The following SPOCD1 variants were observed in gnomAD, a reference collection of about 807,000 sequenced individuals.
SPOCD1 encodes the protein SPOC domain-containing protein 1.
A neutral mutation model predicts 92.2 loss-of-function variants in SPOCD1; 64 were observed. The ratio of observed to expected loss-of-function variants is 0.69; its 90% CI spans 0.57 to 0.86. The LOEUF is 0.86. SPOCD1 is among the 40% of genes least tolerant of loss of function. SPOCD1 has a pLI of 0.00. For synonymous variants in SPOCD1, 578 were observed against 619.3 expected (o/e 0.93, Z 0.99); for missense variants, 1,360 against 1,543.1 (o/e 0.88, Z 1.99).
intron 15 of SPOCD1, 170 bp downstream of exon 15, chr1:31,792,045 C>A: frequency 1.4e-6 from 1 of 694,832 alleles, no homozygotes; most frequent in Admixed American, 2.9e-5. Flanking sequence ...GCATGCAGTT[C>A]ATGATATCCA....
Position 31,792,665 on chromosome 1 carries a change from A to G in SPOCD1, c.2775+13T>C, listed in dbSNP as rs552085027. 6.3e-7 allele frequency: 1 copy of G among 1,577,598 alleles called. No individual in the cohort carries two copies. Among genetic ancestry groups the G allele is most frequent in the African/African-American group, 1.3e-5 (1 of 74,426 alleles). Reference sequence around the variant, plus strand: ...ACTAGGAAAAGAGGGGGTGCCCAAGAGTGGGCAGGTACCTTGGCCTTGGCT... The same window carrying G: ...ACTAGGAAAAGAGGGGGTGCCCAAGGGTGGGCAGGTACCTTGGCCTTGGCT... On this transcript the variant is annotated intron_variant, in intron 14 of 15. Transcript: ENST00000360482.
At chr1:31,809,709 T>C (rs1416851707) in intron 2 of SPOCD1, among the ~76,000 whole-genome samples, 1 of 152,220 alleles carries the variant, frequency 6.6e-6, no homozygotes. Flanking sequence ...AATACCAGTA[T>C]CTACCTCATG....
At chr1:31,796,420 C>T in intron 10 of SPOCD1, 170 bp downstream of exon 10, 1 of 1,059,956 alleles carries the variant, frequency 9.4e-7, no homozygotes, top group Non-Finnish European at 1.4e-6. Context: ...GCAGCACTGT[C>T]CCACCCCATG....
intron 2 of SPOCD1, among the ~76,000 whole-genome samples, chr1:31,802,714 G>A (rs1259688122): frequency 1.3e-5 from 2 of 152,146 alleles, no homozygotes; most frequent in African/African-American, 4.8e-5. Context: ...TATTCAAAAC[G>A]AGCGTGTATT....
At chr1:31,805,245 A>G (rs988415733) in intron 2 of SPOCD1, among the ~76,000 whole-genome samples, 36 of 151,744 alleles carry the variant, frequency 2.4e-4, no homozygotes, top group Non-Finnish European at 8.8e-5. Context: ...CGGCCTCCCA[A>G]AGTGCTGGGA....
At chr1:31,803,216 TAAAAG>T (rs1648579523) in intron 2 of SPOCD1, among the ~76,000 whole-genome samples, 1 of 151,430 alleles carries the variant, frequency 6.6e-6, no homozygotes, top group Admixed American at 6.6e-5. Context: ...TTTAAAGAAA[TAAAAG>T]AAGGAGACGA....
chr1:31,802,292 G>A (rs1037382288), intron 2 of SPOCD1, among the ~76,000 whole-genome samples: 2 of 152,238 alleles, frequency 1.3e-5, no homozygotes, highest in African/African-American at 4.8e-5. Context: ...GGTTTATGAA[G>A]TAGCTGGCCC....
rs531337406 is a variant in SPOCD1, at chr1:31,805,928, C to A, written c.1384-4223G>T. Among the ~76,000 whole-genome samples the A allele has an allele frequency of 4.9e-4, 75 of 151,998 alleles. 2 individuals carry two copies. In the South Asian group the frequency reaches 0.015, roughly 31 times the overall value. ...TAAAATAACAAAATGGAATAATATA[C>A]GAACAGGCAAATAACCAACCAAAAT... On this transcript the variant is annotated intron_variant, in intron 2 of 15. Transcript: ENST00000360482.
chr1:31,807,566 C>A (rs777009660), intron 2 of SPOCD1, among the ~76,000 whole-genome samples: 28 of 151,196 alleles, frequency 1.9e-4, no homozygotes, highest in Non-Finnish European at 3.8e-4. Context: ...TTAAAAGGTT[C>A]TTTTATAGCT....
In SPOCD1 at chr1:31,814,124, C is replaced by T. The variant is rs1471720452; in HGVS notation, c.1210G>A (p.Glu404Lys). 2.5e-6 allele frequency: 4 copies of T among 1,608,112 alleles called. No homozygotes were observed. The South Asian group carries it at 4.4e-5, about 18-fold the overall frequency. The change falls in exon 2 of 16, where the codon GAA (glutamate) becomes AAA (lysine). Residue 404 changes from glutamate (E) to lysine (K), a missense_variant. By Grantham distance (56) the Glu-to-Lys change is moderately conservative. This residue lies in a region of SPOCD1 where 606 missense variants were observed against 601.5 expected (regional missense o/e 1.01). Coordinates refer to ENST00000360482, the MANE Select transcript of SPOCD1 (RefSeq NM_144569.7). This position sits in a 1 kb window ranked among gnomAD's most constrained non-coding sequence, Gnocchi z 4.2. ...GGGCCTGAGCAGGCCCTGCTGGCTT[C>T]AGTATCCAGGGAGGAGCTGAGGCCG... The part of the protein sequence containing the change: ...LGGLSSSLDT[E>K]ASRACSGPFM...
At chr1:31,796,440 G>T in intron 10 of SPOCD1, 150 bp downstream of exon 10, 1 of 1,205,152 alleles carries the variant, frequency 8.3e-7, no homozygotes, top group Non-Finnish European at 1.2e-6. Context: ...GTTCCCCTAT[G>T]CGTTAAGGAT....
chr1:31,796,522 T>A (rs776780147), intron 10 of SPOCD1, 68 bp downstream of exon 10: 11 of 1,613,284 alleles, frequency 6.8e-6, no homozygotes, highest in Non-Finnish European at 9.3e-6. Context: ...ACCACACTGC[T>A]GGTGAGGCGA....
intron 9 of SPOCD1, 144 bp from the exon 10 acceptor site, chr1:31,796,859 T>A: frequency 8.9e-7 from 1 of 1,121,676 alleles, no homozygotes; most frequent in Non-Finnish European, 1.3e-6. Context: ...ACCCCTCCTC[T>A]GGGAAGCCCT....
intron 11 of SPOCD1, 38 bp downstream of exon 11, chr1:31,794,086 G>T (rs1160852461): frequency 1.3e-6 from 2 of 1,595,214 alleles, no homozygotes; most frequent in African/African-American, 2.7e-5. Context: ...GCCCCAGCCT[G>T]GCTGCCACCC....
At position 31,813,984 on chromosome 1, in the gene SPOCD1, T is replaced by C; in HGVS notation, c.1350A>G (p.Pro450=). 1 of 1,578,496 alleles carries C rather than the reference T, an allele frequency of 6.3e-7. No homozygotes were observed. The highest frequency in any genetic ancestry group is 2.3e-5 in the East Asian group (1 of 44,198). The change falls in exon 2 of 16, where the codon CCA becomes CCG. Residue 450 remains proline (P), a synonymous_variant. Transcript: ENST00000360482. ...GGCAGCCTCCTGGGCTGGGTTCCTC[T>C]GGCCTGTCCTGGTGGGAGTTGTCTG... ...RSSDNSHQDR[P]EEPSPGGCPR... is the part of the protein sequence containing the mutation.
chr1:31,813,911 G>A, intron 2 of SPOCD1, 40 bp downstream of exon 2: 1 of 1,448,278 alleles, frequency 6.9e-7, no homozygotes, highest in Non-Finnish European at 9.1e-7. Flanking sequence ...GAGAAACATG[G>A]CCAGGCCCTT....
intron 2 of SPOCD1, among the ~76,000 whole-genome samples, chr1:31,811,863 T>C (rs956422055): frequency 6.6e-6 from 1 of 152,158 alleles, no homozygotes; most frequent in South Asian, 2.1e-4. Flanking sequence ...GAGCCAGCAG[T>C]CATGGGCTGC....
At position 31,792,370 on chromosome 1, in the gene SPOCD1, C is replaced by T; in HGVS notation, c.2807G>A (p.Gly936Glu). 6.2e-7 allele frequency: 1 copy of T among 1,613,856 alleles called. No homozygotes were observed. The highest frequency in any genetic ancestry group is 8.5e-7 in the Non-Finnish European group (1 of 1,180,012). ...DVCVVRLCPH[G>E]ARDTQNCRLL... ...GCGGCAGTTCTGGGTGTCCCGGGCC[C>T]CATGTGGGCACAGTCTGACCACGCA... Residue 936 changes from glycine (G) to glutamate (E), a missense_variant, in exon 15 of 16, where the codon GGG (glycine) becomes GAG (glutamate). Gly to Glu is a moderately conservative substitution (Grantham distance 98). Transcript: ENST00000360482.
In SPOCD1 at chr1:31,799,792, C is replaced by T. The variant is rs1648306636; in HGVS notation, c.1783+17G>A. 6.2e-6 allele frequency: 10 copies of T among 1,613,522 alleles called. No homozygotes were observed. The East Asian group carries it at 2.2e-4, about 36-fold the overall frequency. ...CAGTCTCTGGAAGCAGAAGAGGCTC[C>T]CTCCAGGGCCCTTCACCTGAGTCCT... On this transcript the variant is annotated intron_variant, in intron 6 of 15. Transcript: ENST00000360482.
Sources: allele counts gnomAD v4.1 joint callset (sites outside exome capture counted in the v4.1 genomes callset), GRCh38; gene constraint gnomAD v4.1.1; regional missense constraint gnomAD v4.1.1; non-coding constraint Gnocchi (gnomAD v3.1); transcripts MANE v1.5; gene names NCBI Gene and HGNC (gene_info 2026-07-23, HGNC 2026-07-21).